PPP1R7: variants seen among roughly 807,000 people sequenced by gnomAD.
The protein encoded by PPP1R7 is protein phosphatase 1 regulatory subunit 7.
Under a neutral mutation model 45.2 loss-of-function variants are expected in PPP1R7, and 18 were observed. That is an observed-to-expected ratio of 0.40 (90% CI 0.28 to 0.59). The LOEUF is 0.59. Ranked by LOEUF, PPP1R7 falls within the 20% of genes least tolerant of loss-of-function variation. The pLI is 0.46. For synonymous variants in PPP1R7, 181 were observed against 183.4 expected (o/e 0.99, Z 0.11); for missense variants, 314 against 455.8 (o/e 0.69, Z 2.83).
chr2:241,153,325 TG>T, intron 1 of PPP1R7, 150 bp from the exon 2 acceptor site: 1 of 1,053,886 alleles, frequency 9.5e-7, no homozygotes, highest in Non-Finnish European at 1.4e-6. Flanking sequence ...CAAATGGTGC[TG>T]GGACATGGGA....
At chr2:241,172,551 C>T (rs1353047368) in intron 9 of PPP1R7, among the ~76,000 whole-genome samples, 2 of 151,268 alleles carry the variant, frequency 1.3e-5, no homozygotes, top group Non-Finnish European at 1.5e-5. Flanking sequence ...GGCTAAGGCA[C>T]GACAATCACT....
chr2:241,162,807 G>A (rs1476434903), intron 6 of PPP1R7, among the ~76,000 whole-genome samples: 2 of 151,446 alleles, frequency 1.3e-5, no homozygotes, highest in Non-Finnish European at 2.9e-5. Context: ...CTCAGCCTCC[G>A]GAGTAGCTGG....
chr2:241,151,061 A>G (rs936869055), intron 1 of PPP1R7, among the ~76,000 whole-genome samples: 3 of 152,248 alleles, frequency 2.0e-5, no homozygotes, highest in African/African-American at 7.2e-5. Context: ...CAAAGCTGTC[A>G]TAGTTCCAAA....
At chr2:241,176,861 G>A (rs541824760) in intron 9 of PPP1R7, among the ~76,000 whole-genome samples, 1 of 152,204 alleles carries the variant, frequency 6.6e-6, no homozygotes, top group Non-Finnish European at 1.5e-5. Flanking sequence ...AGCCTGTGAT[G>A]GCAGCAGGCA....
At position 241,153,534 on chromosome 2, in the gene PPP1R7, T is replaced by G; in HGVS notation, c.111T>G (p.Ser37Arg). ...SGDEEGKKHS[S>R]GIVADLSEQS... is the part of the protein sequence containing the mutation. Reference sequence around the variant, plus strand: ...ATGAAGAAGGGAAGAAACACAGCAGTGGCATCGTGGCCGACCTCAGTGAAC... The same window carrying G: ...ATGAAGAAGGGAAGAAACACAGCAGGGGCATCGTGGCCGACCTCAGTGAAC... Residue 37 changes from serine to arginine, a missense_variant, in exon 2 of 10, where the codon AGT (serine) becomes AGG (arginine). This residue lies in a region of PPP1R7 where 112 missense variants were observed against 144.5 expected (regional missense o/e 0.78). Transcript: ENST00000234038. The G allele has an allele frequency of 6.2e-7, 1 of 1,614,122 alleles. No individual in the cohort carries two copies.
At chr2:241,175,422 C>G (rs2067893536) in intron 9 of PPP1R7, among the ~76,000 whole-genome samples, 1 of 152,240 alleles carries the variant, frequency 6.6e-6, no homozygotes, top group Non-Finnish European at 1.5e-5. Context: ...TCACTGGAAT[C>G]ATGCAGTATT....
chr2:241,149,821 G>A, upstream of PPP1R7: 2 of 1,526,392 alleles, frequency 1.3e-6, no homozygotes, highest in Non-Finnish European at 1.7e-6. Context: ...TGCAGCGTCC[G>A]CACTGGGCTG....
intron 6 of PPP1R7, 141 bp downstream of exon 6, chr2:241,160,635 A>G (rs2125489507): frequency 1.2e-6 from 1 of 836,768 alleles, no homozygotes; most frequent in African/African-American, 1.8e-5. Flanking sequence ...CAAGGAAATT[A>G]CTATTTTTTT....
intron 7 of PPP1R7, among the ~76,000 whole-genome samples, chr2:241,163,977 T>G (rs2067652203): frequency 6.6e-6 from 1 of 151,936 alleles, no homozygotes; most frequent in Non-Finnish European, 1.5e-5. Flanking sequence ...CAGTGACAAG[T>G]GCATTCATAG....
intron 9 of PPP1R7, among the ~76,000 whole-genome samples, chr2:241,180,733 G>A (rs536570161): frequency 4.3e-5 from 6 of 138,152 alleles, no homozygotes; most frequent in East Asian, 3.9e-4. Flanking sequence ...GTACGCTCAC[G>A]TCCCGTCCAC....
At chr2:241,154,109 G>C (rs1480564777) in intron 2 of PPP1R7, among the ~76,000 whole-genome samples, 1 of 148,506 alleles carries the variant, frequency 6.7e-6, no homozygotes, top group Non-Finnish European at 1.5e-5. Flanking sequence ...GAACCCAGGA[G>C]GTGGAGGTTG....
chr2:241,161,022 C>T (rs926104939), intron 6 of PPP1R7, among the ~76,000 whole-genome samples: 6 of 139,204 alleles, frequency 4.3e-5, no homozygotes, highest in East Asian at 2.2e-4. Flanking sequence ...ATGTACATAC[C>T]GGGGCTTTAG....
intron 2 of PPP1R7, among the ~76,000 whole-genome samples, chr2:241,153,811 G>T (rs148093004): frequency 1.5e-3 from 232 of 152,288 alleles, no homozygotes; most frequent in Middle Eastern, 3.4e-3. Context: ...TTGCAAAAAG[G>T]ATGTGGTTTT....
intron 2 of PPP1R7, among the ~76,000 whole-genome samples, chr2:241,154,741 G>A (rs1347149511): frequency 6.6e-6 from 1 of 152,080 alleles, no homozygotes; most frequent in Admixed American, 6.6e-5. Context: ...ATGCATGTAT[G>A]TACTTTTACC....
intron 6 of PPP1R7, 144 bp downstream of exon 6, chr2:241,160,638 A>AT (rs937576397): frequency 2.4e-5 from 20 of 816,440 alleles, no homozygotes; most frequent in Non-Finnish European, 3.6e-5. Flanking sequence ...GGAAATTACT[A>AT]TTTTTTTAAG....
At chr2:241,167,453 G>A (rs572713825) in intron 8 of PPP1R7, among the ~76,000 whole-genome samples, 27 of 152,084 alleles carry the variant, frequency 1.8e-4, no homozygotes, top group African/African-American at 6.5e-4. Context: ...GTGGTAAGTC[G>A]AGACGTGCCT....
At position 241,183,022 on chromosome 2, in the gene PPP1R7, G is replaced by C; in HGVS notation, c.*199G>C. 1 of 606,184 alleles carries C rather than the reference G, an allele frequency of 1.6e-6. No individual in the cohort carries two copies. Among genetic ancestry groups the C allele is most frequent in the Non-Finnish European group, 2.9e-6 (1 of 346,224 alleles). The allele number at this position is 606,184 out of a possible 1,614,324, so 37.6% of individuals were successfully genotyped here. On this transcript the variant is annotated 3_prime_UTR_variant, in exon 10 of 10. Coordinates refer to ENST00000234038, the MANE Select transcript of PPP1R7 (RefSeq NM_002712.3). ...CGTTGCAATTAAATCTTGCCACACT[G>C]TCCTCCTGGGTGATTGTTGACAGTT...
chr2:241,166,609 C>T (rs1378401995), intron 8 of PPP1R7, among the ~76,000 whole-genome samples, 168 bp downstream of exon 8: 3 of 152,240 alleles, frequency 2.0e-5, no homozygotes, highest in Non-Finnish European at 2.9e-5. Flanking sequence ...GGGACCCTTT[C>T]CTCATACTGA....
At position 241,162,835 on chromosome 2, in the gene PPP1R7, G is replaced by A. The variant is rs546899919; in HGVS notation, c.598-450G>A. Among the ~76,000 whole-genome samples, 499 of 152,118 alleles carry A rather than the reference G, an allele frequency of 3.3e-3. 3 individuals are homozygous for A. The highest frequency in any genetic ancestry group is 0.011 in the African/African-American group (466 of 41,498). On this transcript the variant is annotated intron_variant, in intron 6 of 9. Transcript: ENST00000234038. ...GTAGCTGGAACTACAGGCACCCGCC[G>A]CCACGCCCAGCTAATTTTTTTGTAT...
Sources: allele counts gnomAD v4.1 joint callset (sites outside exome capture counted in the v4.1 genomes callset), GRCh38; gene constraint gnomAD v4.1.1; regional missense constraint gnomAD v4.1.1; transcripts MANE v1.5; gene names NCBI Gene and HGNC (gene_info 2026-07-23, HGNC 2026-07-21).